The following SRRM1 variants were observed in gnomAD, a reference collection of about 807,000 sequenced individuals.
SRRM1 encodes serine/arginine repetitive matrix protein 1.
SRRM1 carries 19 observed loss-of-function variants against 110.2 expected under a neutral mutation model. The ratio of observed to expected loss-of-function variants is 0.17; its 90% CI spans 0.12 to 0.25. SRRM1 has a LOEUF of 0.25. SRRM1 is among the 10% of genes least tolerant of loss of function. The pLI is 1.00. For synonymous variants in SRRM1, 443 were observed against 414.9 expected (o/e 1.07, Z -0.82); for missense variants, 918 against 1,145.8 (o/e 0.80, Z 2.87).
chr1:24,654,956 C>T lies in SRRM1; in HGVS notation c.1142C>T (p.Pro381Leu). 4 of 1,614,202 alleles carry T rather than the reference C, an allele frequency of 2.5e-6. No individual in the cohort carries two copies. The highest frequency in any genetic ancestry group is 3.4e-6 in the Non-Finnish European group (4 of 1,180,038). ...PKKPPKRTSS[P>L]PRKTRRLSPS... ...AAGCCTCCCAAGAGGACATCCAGCCCCCCTCGGAAAACTCGTAGGTTATCT... is the reference window on the plus strand; with the variant it reads ...AAGCCTCCCAAGAGGACATCCAGCCTCCCTCGGAAAACTCGTAGGTTATCT... Residue 381 changes from proline (P) to leucine (L), a missense_variant, in exon 9 of 17, where the codon CCC (proline) becomes CTC (leucine). Pro to Leu is a moderately conservative substitution (Grantham distance 98). Transcript: ENST00000323848.
At chr1:24,671,105 C>A (rs111490755) in intron 15 of SRRM1, among the ~76,000 whole-genome samples, 109 of 152,284 alleles carry the variant, frequency 7.2e-4, no homozygotes, top group African/African-American at 2.5e-3. Flanking sequence ...GGGATTATTA[C>A]ACTTATTTTA....
chr1:24,649,941 ATG>A (rs1659671462), intron 4 of SRRM1, 28 bp from the exon 5 acceptor site: 5 of 1,528,480 alleles, frequency 3.3e-6, no homozygotes, highest in African/African-American at 1.4e-5. Flanking sequence ...ATGTTCAACT[ATG>A]TGTATTTTGA....
intron 9 of SRRM1, among the ~76,000 whole-genome samples, chr1:24,657,637 G>C (rs1037759310): frequency 1.3e-5 from 2 of 152,272 alleles, no homozygotes; most frequent in African/African-American, 4.8e-5. Context: ...CAGGAAAAGT[G>C]TTTTGGGGAA....
At chr1:24,648,566 T>C (rs1337585297) in intron 3 of SRRM1, 3 of 243,172 alleles carry the variant, frequency 1.2e-5, no homozygotes, top group Non-Finnish European at 2.3e-5. Flanking sequence ...TTAATAAATG[T>C]AAGGCCCACT....
intron 1 of SRRM1, among the ~76,000 whole-genome samples, chr1:24,644,182 G>A (rs1655830922): frequency 6.6e-6 from 1 of 152,104 alleles, no homozygotes. Flanking sequence ...CTGCAGGCAG[G>A]GAAGTTACTC....
chr1:24,662,354 G>A (rs914708543), intron 11 of SRRM1, among the ~76,000 whole-genome samples: 3 of 152,152 alleles, frequency 2.0e-5, no homozygotes, highest in African/African-American at 7.2e-5. Context: ...AGGCACAAGC[G>A]GTCTTTCTGC....
At chr1:24,661,665 C>T (rs1456359895) in intron 11 of SRRM1, among the ~76,000 whole-genome samples, 1 of 152,136 alleles carries the variant, frequency 6.6e-6, no homozygotes, top group Non-Finnish European at 1.5e-5. Flanking sequence ...CTTTTTCCAA[C>T]CTCCTAAAGC....
chr1:24,669,071 T>C lies in SRRM1; in HGVS notation c.1740-52T>C, dbSNP rs1461945855. ...CAAACCTACTGATTACTTTTCATCC[T>C]GTTTCTGTATTTTGTTGAGCCTTTC... is the stretch of plus-strand genomic sequence containing the variant. On this transcript the variant is annotated intron_variant, in intron 13 of 16. Coordinates refer to ENST00000323848, the MANE Select transcript of SRRM1 (RefSeq NM_005839.4). 4.7e-6 allele frequency: 7 copies of C among 1,495,378 alleles called. No individual in the cohort carries two copies. The East Asian group carries it at 1.1e-4, about 24-fold the overall frequency. 92.6% of individuals were successfully genotyped at this position (1,495,378 alleles called of 1,614,324 possible).
intron 8 of SRRM1, among the ~76,000 whole-genome samples, chr1:24,653,988 G>T (rs1305514852): frequency 1.3e-5 from 2 of 152,090 alleles, no homozygotes; most frequent in Non-Finnish European, 2.9e-5. Context: ...TTTGGGGAGG[G>T]GTTGTTAAGA....
chr1:24,649,055 G>A (rs1212900754), intron 4 of SRRM1, 26 bp downstream of exon 4: 3 of 1,602,996 alleles, frequency 1.9e-6, no homozygotes. Context: ...TTTCTGTAAT[G>A]TCGATTTGAG....
chr1:24,651,010 C>G (rs1465885642), intron 5 of SRRM1, among the ~76,000 whole-genome samples: 1 of 152,200 alleles, frequency 6.6e-6, no homozygotes, highest in Non-Finnish European at 1.5e-5. Context: ...CATACTGAGG[C>G]TCTTCCTGAT....
rs753149489 is a variant in SRRM1 at position 24,669,540 on chromosome 1, G to A, written c.2157G>A (p.Arg719=). 10 of 1,605,466 alleles carry A rather than the reference G, an allele frequency of 6.2e-6. No homozygotes were observed. The South Asian group carries it at 1.1e-4, about 18-fold the overall frequency. The part of the protein sequence containing the change: ...QRRQSPSPST[R]PIRRVSRTPE... ...GGCAGTCCCCGTCTCCAAGTACTAG[G>A]CCCATTAGGAGAGTCTCCAGGACTC... is the stretch of plus-strand genomic sequence containing the variant. Residue 719 remains arginine, a synonymous_variant, in exon 14 of 17, where the codon AGG becomes AGA. Transcript: ENST00000323848.
intron 9 of SRRM1, among the ~76,000 whole-genome samples, chr1:24,660,447 A>G (rs1666576416): frequency 1.3e-5 from 2 of 152,214 alleles, no homozygotes; most frequent in Admixed American, 1.3e-4. Flanking sequence ...TTAAGTCTTC[A>G]TAAATTCTTT....
chr1:24,672,113 T>C (rs1673098712), intron 16 of SRRM1, 69 bp from the exon 17 acceptor site: 1 of 1,233,068 alleles, frequency 8.1e-7, no homozygotes, highest in Non-Finnish European at 1.2e-6. Context: ...CACACTTTGA[T>C]TCTGCTCTTT....
intron 13 of SRRM1, 82 bp from the exon 14 acceptor site, chr1:24,669,041 A>G: frequency 8.6e-7 from 1 of 1,165,438 alleles, no homozygotes; most frequent in Non-Finnish European, 1.2e-6. Context: ...TAACTACAGT[A>G]TAGCCAAACC....
At chr1:24,664,879 C>G (rs1369537723) in intron 12 of SRRM1, among the ~76,000 whole-genome samples, 1 of 151,390 alleles carries the variant, frequency 6.6e-6, no homozygotes, top group Non-Finnish European at 1.5e-5. Flanking sequence ...CTCCCCTTCC[C>G]TCCCCACCCC....
chr1:24,646,522 CAAAA>C (rs149061293), intron 2 of SRRM1, 141 bp from the exon 3 acceptor site: 442 of 402,716 alleles, frequency 1.1e-3, no homozygotes, highest in Middle Eastern at 3.3e-3. Flanking sequence ...GACTCTGTCT[CAAAA>C]AAAAAAAAAA....
At position 24,654,891 on chromosome 1, in the gene SRRM1, CTCA is replaced by C; in HGVS notation, c.1083_1085del (p.Ser365del). On this transcript the variant is annotated inframe_deletion, in exon 9 of 17. Transcript: ENST00000323848. ...CGTCAGCATCCTTGTCTGGGAGTAGCTCATCATCCTCTTCATCTCGTTCACGGT... is the reference window on the plus strand; with the variant it reads ...CGTCAGCATCCTTGTCTGGGAGTAGCTCATCCTCTTCATCTCGTTCACGGT... 6.2e-7 allele frequency: 1 copy of C among 1,614,184 alleles called. No homozygotes were observed. Among genetic ancestry groups the C allele is most frequent in the Non-Finnish European group, 8.5e-7 (1 of 1,180,026 alleles).
intron 12 of SRRM1, among the ~76,000 whole-genome samples, chr1:24,664,921 GGAAA>G (rs927741437): frequency 7.7e-6 from 1 of 130,070 alleles, no homozygotes; most frequent in Non-Finnish European, 1.6e-5. Flanking sequence ...TTTCTGTTCT[GGAAA>G]GAGATTCCTC....
Sources: gnomAD v4.1 joint callset for allele counts (sites outside exome capture counted in the v4.1 genomes callset) on GRCh38, gnomAD v4.1.1 for gene constraint, MANE v1.5 for transcripts, NCBI Gene and HGNC (gene_info 2026-07-23, HGNC 2026-07-21) for gene names.